The following CCSER2 variants were observed in gnomAD, a reference collection of about 807,000 sequenced individuals.
CCSER2 encodes coiled-coil serine rich protein 2, also known as serine-rich coiled-coil domain-containing protein 2.
In CCSER2, 46 loss-of-function variants were observed where a neutral mutation model predicts 92.3. The ratio of observed to expected loss-of-function variants is 0.50; its 90% CI spans 0.39 to 0.64. CCSER2 has a LOEUF of 0.64. Among genes scored for constraint, CCSER2 ranks in the 30% least tolerant of loss-of-function variants. The probability of loss-of-function intolerance (pLI) is 0.00; values close to 1 mark genes in which losing one functional copy is unlikely to be tolerated. For missense variants in CCSER2, 1,244 were observed against 1,238.9 expected (o/e 1.00, Z -0.06); for synonymous variants, 433 against 431.4 (o/e 1.00, Z -0.04).
intron 1 of CCSER2, among the ~76,000 whole-genome samples, chr10:84,368,745 G>A (rs1307723618): frequency 6.6e-6 from 1 of 152,060 alleles, no homozygotes; most frequent in African/African-American, 2.4e-5. Context: ...TTGTGTAGTG[G>A]TGAAGTCTGA....
chr10:84,365,912 G>A (rs989926178), intron 1 of CCSER2, among the ~76,000 whole-genome samples: 1 of 152,062 alleles, frequency 6.6e-6, no homozygotes, highest in African/African-American at 2.4e-5. Flanking sequence ...GTTTTCTTAT[G>A]TTTATACCGA....
At chr10:84,376,285 G>C (rs1462839765) in intron 3 of CCSER2, among the ~76,000 whole-genome samples, 1 of 152,088 alleles carries the variant, frequency 6.6e-6, no homozygotes, top group African/African-American at 2.4e-5. Context: ...TCTGCAGACA[G>C]ACCAGAGAAT....
intron 1 of CCSER2, among the ~76,000 whole-genome samples, chr10:84,337,412 T>C (rs1027049145): frequency 1.3e-4 from 20 of 152,170 alleles, no homozygotes; most frequent in Non-Finnish European, 1.5e-5. Flanking sequence ...TGCTATTAGA[T>C]TGAGGACTAA....
intron 3 of CCSER2, among the ~76,000 whole-genome samples, chr10:84,376,977 A>G (rs1017847593): frequency 6.6e-6 from 1 of 152,102 alleles, no homozygotes; most frequent in Non-Finnish European, 1.5e-5. Flanking sequence ...ATTAGGATAT[A>G]TCCTCTTCTG....
At chr10:84,345,801 C>A (rs766545005) in intron 1 of CCSER2, among the ~76,000 whole-genome samples, 16 of 151,986 alleles carry the variant, frequency 1.1e-4, no homozygotes, top group Non-Finnish European at 4.4e-5. Flanking sequence ...TTTTATTAAT[C>A]ATATTTTATA....
chr10:84,507,102 CTATT>C, intron 9 of CCSER2, among the ~76,000 whole-genome samples: 1 of 152,274 alleles, frequency 6.6e-6, no homozygotes, highest in South Asian at 2.1e-4. Context: ...AAGTATAAAT[CTATT>C]TAATGTTTTT....
chr10:84,368,484 G>A (rs1168990865), intron 1 of CCSER2, among the ~76,000 whole-genome samples: 1 of 151,482 alleles, frequency 6.6e-6, no homozygotes, highest in Non-Finnish European at 1.5e-5. Flanking sequence ...ACATTTGTAC[G>A]ATTTTCTAAA....
At chr10:84,433,747 C>T (rs2133477149) in intron 5 of CCSER2, among the ~76,000 whole-genome samples, 1 of 152,258 alleles carries the variant, frequency 6.6e-6, no homozygotes, top group African/African-American at 2.4e-5. Flanking sequence ...GTTATCTCTT[C>T]AAGATTCTTT....
intron 9 of CCSER2, among the ~76,000 whole-genome samples, chr10:84,481,780 T>C (rs1039497960): frequency 6.6e-6 from 1 of 151,950 alleles, no homozygotes; most frequent in Admixed American, 6.6e-5. Flanking sequence ...AGCAATAATG[T>C]AGTGTTATAA....
chr10:84,434,175 C>T (rs544948761), intron 5 of CCSER2, among the ~76,000 whole-genome samples: 17 of 152,062 alleles, frequency 1.1e-4, no homozygotes, highest in African/African-American at 4.1e-4. Flanking sequence ...TACACATTTG[C>T]CCCTGGATTT....
chr10:84,516,160 T>G lies in CCSER2; in HGVS notation c.*1893T>G, dbSNP rs1849591412. 6.6e-6 allele frequency: 1 copy of G among 152,196 alleles called. No individual in the cohort carries two copies. Among genetic ancestry groups the G allele is most frequent in the African/African-American group, 2.4e-5 (1 of 41,448 alleles). 9.4% of individuals were successfully genotyped at this position (152,196 alleles called of 1,614,324 possible). On this transcript the variant is annotated 3_prime_UTR_variant, in exon 10 of 10. Transcript: ENST00000372088. ...ACAACAGCAAGTCTTTTAGTAGAAA[T>G]TTGAAAGAAGTGTTTGCTACCATTT...
In CCSER2 at chr10:84,415,027, A is replaced by G. The variant is rs116195025; in HGVS notation, c.1615-2744A>G. ...AGTTATGTTCCTCTCTCAACCAGCT[A>G]TTTTGACTATCAGCTCCTGTGTTGT... On this transcript the variant is annotated intron_variant, in intron 3 of 9. Transcript: ENST00000372088. Among the ~76,000 whole-genome samples the G allele has an allele frequency of 5.0e-3, 767 of 152,226 alleles. 7 individuals are homozygous for G. The highest frequency in any genetic ancestry group is 0.017 in the African/African-American group (724 of 41,528).
chr10:84,513,573 G>A lies in CCSER2; in HGVS notation c.2450G>A (p.Gly817Asp). 6.2e-7 allele frequency: 1 copy of A among 1,613,980 alleles called. No individual in the cohort carries two copies. Among genetic ancestry groups the A allele is most frequent in the Non-Finnish European group, 8.5e-7 (1 of 1,180,002 alleles). The change falls in exon 10 of 10, where the codon GGT (glycine) becomes GAT (aspartate). Residue 817 changes from glycine (G) to aspartate (D), a missense_variant. Physicochemically the swap from Gly to Asp is moderately conservative, Grantham distance 94 (BLOSUM62 -1). Transcript: ENST00000372088. ...ECSIQDMHQG[G>D]AHPEESFTHV... ...TCAATCCAAGACATGCATCAGGGCGGTGCACATCCGGAAGAAAGCTTTACA... is the reference window on the plus strand; with the variant it reads ...TCAATCCAAGACATGCATCAGGGCGATGCACATCCGGAAGAAAGCTTTACA...
intron 6 of CCSER2, among the ~76,000 whole-genome samples, chr10:84,454,489 G>GT (rs913278392): frequency 3.9e-4 from 59 of 152,052 alleles, no homozygotes; most frequent in Non-Finnish European, 7.7e-4. Context: ...TTGGTGTGCA[G>GT]TTTTTTTTAA....
intron 6 of CCSER2, among the ~76,000 whole-genome samples, chr10:84,443,162 T>G (rs758941943): frequency 1.1e-4 from 16 of 152,078 alleles, no homozygotes; most frequent in Non-Finnish European, 1.9e-4. Context: ...CTAATTAAAC[T>G]AAAGAACTTC....
chr10:84,411,071 T>A (rs1842625781), intron 3 of CCSER2, among the ~76,000 whole-genome samples: 1 of 152,190 alleles, frequency 6.6e-6, no homozygotes, highest in South Asian at 2.1e-4. Context: ...ATCATATGGT[T>A]ATAGGTGTGC....
In CCSER2 at chr10:84,365,379, G is replaced by A. The variant is rs557387279; in HGVS notation, c.-39-5635G>A. On this transcript the variant is annotated intron_variant, in intron 1 of 9. Coordinates refer to ENST00000372088, the MANE Select transcript of CCSER2 (RefSeq NM_001284240.2). The stretch of plus-strand genomic sequence containing the variant: ...ATTTTATTTTATTTCAAAATTATAA[G>A]CAAATATAAGGGAAAATTTCATGAA... Among the ~76,000 whole-genome samples, 4 of 152,248 alleles carry A rather than the reference G, an allele frequency of 2.6e-5. No individual in the cohort carries two copies. In the South Asian group the frequency reaches 8.3e-4, roughly 32 times the overall value.
chr10:84,360,939 C>G (rs141839181), intron 1 of CCSER2, among the ~76,000 whole-genome samples: 91 of 152,308 alleles, frequency 6.0e-4, no homozygotes, highest in African/African-American at 2.1e-3. Flanking sequence ...AACATTTCTC[C>G]CATTCCATTC....
chr10:84,348,197 TC>T (rs1844641808), intron 1 of CCSER2, among the ~76,000 whole-genome samples: 1 of 152,206 alleles, frequency 6.6e-6, no homozygotes, highest in African/African-American at 2.4e-5. Flanking sequence ...CCGTCTGCAA[TC>T]CCAGCACCTC....
Sources: gnomAD v4.1 joint callset for allele counts (sites outside exome capture counted in the v4.1 genomes callset) on GRCh38, gnomAD v4.1.1 for gene constraint, MANE v1.5 for transcripts, NCBI Gene and HGNC (gene_info 2026-07-23, HGNC 2026-07-21) for gene names.